Variants in SNTG2 observed in about 807,000 individuals in gnomAD.
The protein encoded by SNTG2 is gamma-2-syntrophin.
In SNTG2, 74 loss-of-function variants were observed where a neutral mutation model predicts 70.9. The observed-to-expected ratio is 1.04, with a 90% confidence interval of 0.86 to 1.27. SNTG2 has a LOEUF of 1.27. Ranked by LOEUF, SNTG2 falls within the 50% of genes most tolerant of loss-of-function variation. SNTG2 has a pLI of 0.00. For missense variants in SNTG2, 717 were observed against 690.7 expected (o/e 1.04, Z -0.43); for synonymous variants, 278 against 273.8 (o/e 1.02, Z -0.15).
chr2:1,272,983 A>G (rs62108073), intron 14 of SNTG2, among the ~76,000 whole-genome samples: 37,120 of 152,196 alleles, frequency 0.24, 5,570 homozygotes, highest in Middle Eastern at 0.34. Context: ...AAATTTTCCT[A>G]GGTCTGTGTG....
At chr2:1,190,890 C>G (rs1295178699) in intron 8 of SNTG2, among the ~76,000 whole-genome samples, 1 of 151,994 alleles carries the variant, frequency 6.6e-6, no homozygotes, top group African/African-American at 2.4e-5. Flanking sequence ...TTAGTGCAAC[C>G]ACTTTGAAAA....
intron 9 of SNTG2, among the ~76,000 whole-genome samples, chr2:1,222,406 T>G (rs1675309920): frequency 6.6e-6 from 1 of 152,280 alleles, no homozygotes; most frequent in South Asian, 2.1e-4. Context: ...TGTGTGGAGA[T>G]TTCATAGGCT....
intron 1 of SNTG2, among the ~76,000 whole-genome samples, chr2:1,035,676 C>A (rs1218045851): frequency 6.6e-6 from 1 of 152,106 alleles, no homozygotes; most frequent in East Asian, 1.9e-4. Flanking sequence ...GTTTTTGTTG[C>A]TGGAAAATCT....
At chr2:1,020,487 A>C (rs1054261824) in intron 1 of SNTG2, among the ~76,000 whole-genome samples, 2 of 152,218 alleles carry the variant, frequency 1.3e-5, no homozygotes. Flanking sequence ...AAACCCACTC[A>C]GCATCTGCAC....
At chr2:1,043,157 CATATACGTCT>C (rs1327981760) in intron 1 of SNTG2, among the ~76,000 whole-genome samples, 2 of 152,160 alleles carry the variant, frequency 1.3e-5, no homozygotes, top group East Asian at 3.8e-4. Context: ...TTGTTGGCCA[CATATACGTCT>C]TTTTTTGAGA....
In SNTG2 at chr2:1,259,442, G is replaced by A. The variant is rs753403102; in HGVS notation, c.1077+1G>A. ...TGAGGTGCTATTTAAAGTTCACAAG[G>A]TAGGTATCTTTTGCACTTCAGATGC... On this transcript the variant is annotated splice_donor_variant, in intron 13 of 16. Coordinates refer to ENST00000308624, the MANE Select transcript of SNTG2 (RefSeq NM_018968.4). LOFTEE classifies it high-confidence loss of function. 1.2e-5 allele frequency: 19 copies of A among 1,613,208 alleles called. No individual in the cohort carries two copies. The Admixed American group carries it at 2.0e-4, about 17-fold the overall frequency.
chr2:1,259,447 T>C lies in SNTG2; in HGVS notation c.1077+6T>C. The C allele has an allele frequency of 6.2e-7, 1 of 1,612,548 alleles. No homozygotes were observed. Among genetic ancestry groups the C allele is most frequent in the South Asian group, 1.1e-5 (1 of 91,022 alleles). On this transcript the variant is annotated splice_donor_region_variant and intron_variant, in intron 13 of 16. Transcript: ENST00000308624. ...TGCTATTTAAAGTTCACAAGGTAGG[T>C]ATCTTTTGCACTTCAGATGCTTTCA...
At chr2:1,228,033 C>G (rs28703286) in intron 9 of SNTG2, among the ~76,000 whole-genome samples, 45,217 of 152,016 alleles carry the variant, frequency 0.3, 7,614 homozygotes, top group African/African-American at 0.47. Flanking sequence ...GGCCTTTCTG[C>G]GACTCAAGGC....
chr2:1,311,232 T>A (rs1485569279), intron 15 of SNTG2, among the ~76,000 whole-genome samples: 3 of 152,210 alleles, frequency 2.0e-5, no homozygotes, highest in Non-Finnish European at 4.4e-5. Context: ...AACCTGAGGC[T>A]CAGAGGCCCT....
Position 1,263,798 on chromosome 2 carries a change from A to T in SNTG2, c.1078-3567A>T, listed in dbSNP as rs139070818. On this transcript the variant is annotated intron_variant, in intron 13 of 16. Coordinates refer to ENST00000308624, the MANE Select transcript of SNTG2 (RefSeq NM_018968.4). ...GTGAAGTTATGACAACATTTTTATC[A>T]CGATTCCATTTCACAGCTCAAAAGT... Among the ~76,000 whole-genome samples, 81 of 152,324 alleles carry T rather than the reference A, an allele frequency of 5.3e-4. No individual in the cohort carries two copies. The East Asian group carries it at 0.013, about 25-fold the overall frequency.
intron 1 of SNTG2, among the ~76,000 whole-genome samples, chr2:995,769 A>G (rs1335001029): frequency 6.6e-6 from 1 of 152,094 alleles, no homozygotes; most frequent in East Asian, 1.9e-4. Flanking sequence ...CATTTAAGTT[A>G]TATAATTTTC....
chr2:1,133,210 C>A (rs926732907), intron 4 of SNTG2, among the ~76,000 whole-genome samples: 1 of 152,180 alleles, frequency 6.6e-6, no homozygotes, highest in African/African-American at 2.4e-5. Flanking sequence ...ATAATAAAAT[C>A]TAACTCAGTT....
intron 8 of SNTG2, among the ~76,000 whole-genome samples, chr2:1,185,805 A>G (rs1336112102): frequency 6.6e-6 from 1 of 152,186 alleles, no homozygotes; most frequent in Non-Finnish European, 1.5e-5. Context: ...GGTCCCTGAA[A>G]TGTCTTCAAG....
At chr2:1,351,891 C>T (rs887302454) in intron 16 of SNTG2, among the ~76,000 whole-genome samples, 1 of 152,170 alleles carries the variant, frequency 6.6e-6, no homozygotes, top group Non-Finnish European at 1.5e-5. Flanking sequence ...ATGCCCTCAC[C>T]CTCCCTGGAC....
chr2:1,318,947 A>G (rs1681408808), intron 16 of SNTG2, among the ~76,000 whole-genome samples: 1 of 152,172 alleles, frequency 6.6e-6, no homozygotes, highest in East Asian at 1.9e-4. Context: ...GACCTCCAGC[A>G]GCTCCCATGG....
intron 6 of SNTG2, among the ~76,000 whole-genome samples, chr2:1,142,069 C>T (rs770389159): frequency 1.3e-5 from 2 of 152,186 alleles, no homozygotes; most frequent in Non-Finnish European, 2.9e-5. Context: ...TTGGACTTCC[C>T]TTTATTCAGG....
At chr2:1,308,765 C>T (rs1680833218) in intron 15 of SNTG2, among the ~76,000 whole-genome samples, 179 bp downstream of exon 15, 1 of 152,180 alleles carries the variant, frequency 6.6e-6, no homozygotes, top group Non-Finnish European at 1.5e-5. Flanking sequence ...AGGATCGCCA[C>T]AAGCCCTGAG....
At chr2:958,963 A>G (rs961418759) in intron 1 of SNTG2, among the ~76,000 whole-genome samples, 5 of 152,240 alleles carry the variant, frequency 3.3e-5, no homozygotes, top group Non-Finnish European at 4.4e-5. Flanking sequence ...ACAAAAGGTA[A>G]TAAAGGATAA....
In SNTG2 at chr2:1,224,369, A is replaced by G. The variant is rs748387547; in HGVS notation, c.720-13519A>G. ...TGGATTTAATTTCATTTTTTCTTCT[A>G]TCTGTGCCTCTGCCTGGAGCACAGT... On this transcript the variant is annotated intron_variant, in intron 9 of 16. Coordinates refer to ENST00000308624, the MANE Select transcript of SNTG2 (RefSeq NM_018968.4). Among the ~76,000 whole-genome samples the G allele has an allele frequency of 5.3e-5, 8 of 152,194 alleles. No homozygotes were observed. The East Asian group carries it at 5.8e-4, about 11-fold the overall frequency.
Sources: gnomAD v4.1 joint callset for allele counts (sites outside exome capture counted in the v4.1 genomes callset) on GRCh38, gnomAD v4.1.1 for gene constraint, MANE v1.5 for transcripts, NCBI Gene and HGNC (gene_info 2026-07-23, HGNC 2026-07-21) for gene names.